Variants in MMP16 observed in about 807,000 individuals in gnomAD.
MMP16 encodes the protein matrix metallopeptidase 16.
In MMP16, 12 loss-of-function variants were observed where a neutral mutation model predicts 67.8. The observed-to-expected ratio is 0.18, with a 90% CI of 0.11 to 0.29. The LOEUF is 0.29. Ranked by LOEUF, MMP16 falls within the 10% of genes least tolerant of loss-of-function variation. The pLI is 1.00. For missense variants in MMP16, 475 were observed against 765.7 expected (o/e 0.62, Z 4.48); for synonymous variants, 249 against 255.9 (o/e 0.97, Z 0.26).
rs911611891 is a variant in MMP16, at chr8:88,034,314, T to G, written c.*7147A>C. On this transcript the variant is annotated 3_prime_UTR_variant, in exon 10 of 10. Transcript: ENST00000286614. ...ACAGAGACTGCATAGGACAACTCAA[T>G]AAGATGTATCTTTCCCAACCATCTG... is the stretch of plus-strand genomic sequence containing the variant. 25 of 150,198 alleles carry G rather than the reference T, an allele frequency of 1.7e-4. No individual in the cohort carries two copies. Among genetic ancestry groups the G allele is most frequent in the Non-Finnish European group, 1.5e-4 (10 of 67,618 alleles). 9.3% of individuals were successfully genotyped at this position (150,198 alleles called of 1,614,324 possible).
At chr8:88,321,445 A>C (rs1811458538) in intron 1 of MMP16, among the ~76,000 whole-genome samples, 1 of 152,144 alleles carries the variant, frequency 6.6e-6, no homozygotes, top group African/African-American at 2.4e-5. Flanking sequence ...TATTTTTTAA[A>C]TTAATTTTTA....
chr8:88,110,880 T>C (rs908428809), intron 6 of MMP16, among the ~76,000 whole-genome samples: 1 of 151,722 alleles, frequency 6.6e-6, no homozygotes, highest in East Asian at 1.9e-4. Context: ...TCTGCTTTGC[T>C]ACATAAAAGC....
At chr8:88,181,512 A>G (rs1160934831) in intron 3 of MMP16, among the ~76,000 whole-genome samples, 1 of 151,630 alleles carries the variant, frequency 6.6e-6, no homozygotes, top group Non-Finnish European at 1.5e-5. Flanking sequence ...ATTTTGATGA[A>G]AGAATTCAAA....
At chr8:88,153,491 C>G (rs1808448587) in intron 4 of MMP16, among the ~76,000 whole-genome samples, 1 of 152,178 alleles carries the variant, frequency 6.6e-6, no homozygotes, top group Non-Finnish European at 1.5e-5. Context: ...GGAACCAAAA[C>G]AGCATGGTAC....
At chr8:88,240,373 TGGC>T (rs1810015500) in intron 1 of MMP16, among the ~76,000 whole-genome samples, 1 of 152,098 alleles carries the variant, frequency 6.6e-6, no homozygotes, top group Non-Finnish European at 1.5e-5. Flanking sequence ...GCATGAGTGG[TGGC>T]CTTGAGGCAG....
intron 6 of MMP16, among the ~76,000 whole-genome samples, chr8:88,102,266 C>A (rs1426380844): frequency 2.0e-5 from 3 of 151,850 alleles, no homozygotes; most frequent in Non-Finnish European, 4.4e-5. Flanking sequence ...GAACTTCTGA[C>A]CAACTGGCCT....
chr8:88,033,270 T>G lies in MMP16; in HGVS notation c.*8191A>C, dbSNP rs1808009028. 6.7e-6 allele frequency: 1 copy of G among 148,470 alleles called. No individual in the cohort carries two copies. Among genetic ancestry groups the G allele is most frequent in the Non-Finnish European group, 1.5e-5 (1 of 67,400 alleles). 9.2% of individuals were successfully genotyped at this position (148,470 alleles called of 1,614,324 possible). A position where few individuals can be genotyped will look rare whatever the true frequency, so the allele number is the denominator to read the frequency against. ...TTGACAAACTAAGTTTATGGGAGCT[T>G]TTTCTCCTTAATCTATCTAGTAAAT... On this transcript the variant is annotated 3_prime_UTR_variant, in exon 10 of 10. Coordinates refer to ENST00000286614, the MANE Select transcript of MMP16 (RefSeq NM_005941.5).
At chr8:88,207,911 TA>T (rs1467465053) in intron 1 of MMP16, among the ~76,000 whole-genome samples, 1 of 152,050 alleles carries the variant, frequency 6.6e-6, no homozygotes, top group Admixed American at 6.6e-5. Context: ...ATGCCAAAAT[TA>T]AAGCAAAAGG....
intron 7 of MMP16, among the ~76,000 whole-genome samples, chr8:88,062,861 T>A (rs369810497): frequency 5.9e-4 from 90 of 152,130 alleles, no homozygotes; most frequent in African/African-American, 2.1e-3. Context: ...TACTTTTCAG[T>A]TTTTCAGTTA....
chr8:88,224,125 A>G (rs1453305436), intron 1 of MMP16, among the ~76,000 whole-genome samples: 1 of 152,070 alleles, frequency 6.6e-6, no homozygotes, highest in Non-Finnish European at 1.5e-5. Flanking sequence ...TGATCTGAAC[A>G]TATAAAACAG....
At chr8:88,258,832 A>G (rs998717802) in intron 1 of MMP16, among the ~76,000 whole-genome samples, 1 of 152,220 alleles carries the variant, frequency 6.6e-6, no homozygotes, top group Non-Finnish European at 1.5e-5. Context: ...AGAAAGAAAA[A>G]GAGAACTATC....
At chr8:88,254,530 C>T (rs981278030) in intron 1 of MMP16, among the ~76,000 whole-genome samples, 16 of 150,612 alleles carry the variant, frequency 1.1e-4, no homozygotes, top group African/African-American at 1.7e-4. Context: ...AGATTACAGG[C>T]GTGAGCCACA....
chr8:88,197,268 G>A lies in MMP16; in HGVS notation c.171C>T (p.Asp57=), dbSNP rs1476934120. 44 of 1,592,258 alleles carry A rather than the reference G, an allele frequency of 2.8e-5. No individual in the cohort carries two copies. Among genetic ancestry groups the A allele is most frequent in the Non-Finnish European group, 3.7e-5 (43 of 1,169,904 alleles). The change falls in exon 2 of 10, where the codon GAC becomes GAT. Residue 57 remains aspartate (D), a synonymous_variant. Transcript: ENST00000286614. ...CAGAGCGCAGCACTGACATTCTGGG[G>A]TCAGTCGGTGGAAGGTAGCCGTACT... ...LQKYGYLPPT[D]PRMSVLRSAE...
chr8:88,073,006 G>A (rs1215716455), intron 7 of MMP16, among the ~76,000 whole-genome samples: 4 of 152,130 alleles, frequency 2.6e-5, no homozygotes, highest in Admixed American at 6.6e-5. Context: ...GTCAGAACAC[G>A]AATTTATGAC....
At chr8:88,255,732 G>T (rs1008762935) in intron 1 of MMP16, among the ~76,000 whole-genome samples, 1 of 152,144 alleles carries the variant, frequency 6.6e-6, no homozygotes, top group African/African-American at 2.4e-5. Flanking sequence ...GGAAGTTAAG[G>T]GCTGATTGTT....
intron 4 of MMP16, among the ~76,000 whole-genome samples, chr8:88,123,755 T>TA (rs1453350716): frequency 1.3e-5 from 2 of 151,794 alleles, no homozygotes; most frequent in Non-Finnish European, 2.9e-5. Flanking sequence ...ACAGGTCACC[T>TA]AAAAAGAGTT....
At chr8:88,096,996 C>T (rs535715916) in intron 6 of MMP16, among the ~76,000 whole-genome samples, 109 of 151,924 alleles carry the variant, frequency 7.2e-4, no homozygotes, top group African/African-American at 2.0e-3. Context: ...AAAAGACATT[C>T]CTAGGGCAAA....
rs1053508068 is a variant in MMP16, at chr8:88,124,559, G to A, written c.710-5698C>T. The stretch of plus-strand genomic sequence containing the variant: ...AAACATCTTTTCAAGGCTCTACTGA[G>A]CATCCTAGGAGACGATGGCCACCCT... On this transcript the variant is annotated intron_variant, in intron 4 of 9. Transcript: ENST00000286614. Among the ~76,000 whole-genome samples, 5 of 151,918 alleles carry A rather than the reference G, an allele frequency of 3.3e-5. No individual in the cohort carries two copies. In the East Asian group the frequency reaches 9.7e-4, roughly 30 times the overall value.
chr8:88,268,735 GACATCTAT>G (rs1288320748), intron 1 of MMP16, among the ~76,000 whole-genome samples: 4 of 152,136 alleles, frequency 2.6e-5, no homozygotes, highest in Non-Finnish European at 5.9e-5. Flanking sequence ...CCATATGACA[GACATCTAT>G]ACGGATGCAC....
Sources: allele counts gnomAD v4.1 joint callset (sites outside exome capture counted in the v4.1 genomes callset), GRCh38; gene constraint gnomAD v4.1.1; transcripts MANE v1.5; gene names NCBI Gene and HGNC (gene_info 2026-07-23, HGNC 2026-07-21).